UBAP1: variants seen among roughly 807,000 people sequenced by gnomAD.
UBAP1 encodes the protein ubiquitin associated protein 1, also known as ubiquitin-associated protein 1.
In UBAP1, 5 loss-of-function variants were observed where a neutral mutation model predicts 39.0. The observed-to-expected ratio is 0.13, with a 90% CI of 0.07 to 0.27. The LOEUF (loss-of-function observed/expected upper bound fraction) is 0.27. Ranked by LOEUF, UBAP1 falls within the 10% of genes least tolerant of loss-of-function variation. UBAP1 has a pLI of 1.00. For synonymous variants in UBAP1, 211 were observed against 225.1 expected, an observed-to-expected ratio of 0.94 and a Z score of 0.56; for missense variants, 490 against 608.1, an observed-to-expected ratio of 0.81 and a Z score of 2.04.
intron 2 of UBAP1, among the ~76,000 whole-genome samples, chr9:34,232,759 C>T (rs1449766720): frequency 6.6e-6 from 1 of 152,234 alleles, no homozygotes; most frequent in African/African-American, 2.4e-5. Context: ...TTGTCTTGTT[C>T]TGTGTCTGTG....
Position 34,241,344 on chromosome 9 carries a change from A to G in UBAP1, c.319A>G (p.Thr107Ala). Residue 107 changes from threonine to alanine, a missense_variant, in exon 4 of 7, where the codon ACT (threonine) becomes GCT (alanine). This residue lies in a region of UBAP1 where 144 missense variants were observed against 184.4 expected (regional missense o/e 0.78). Transcript: ENST00000297661. Reference sequence around the variant, plus strand: ...CGATAGCAAAATGAGCTTCTCCAAGACTCACAGTACAGCCACAATGCCACC... The same window carrying G: ...CGATAGCAAAATGAGCTTCTCCAAGGCTCACAGTACAGCCACAATGCCACC... ...EGDSKMSFSK[T>A]HSTATMPPPI... The G allele has an allele frequency of 6.6e-7, 1 of 1,525,912 alleles. No individual in the cohort carries two copies. Among genetic ancestry groups the G allele is most frequent in the African/African-American group, 1.4e-5 (1 of 71,980 alleles). The allele number at this position is 1,525,912 out of a possible 1,614,324, so 94.5% of individuals were successfully genotyped here. A position where few individuals can be genotyped will look rare whatever the true frequency, so the allele number is the denominator to read the frequency against.
chr9:34,180,326 C>A (rs1478110162), intron 1 of UBAP1, among the ~76,000 whole-genome samples: 1 of 151,926 alleles, frequency 6.6e-6, no homozygotes, highest in Non-Finnish European at 1.5e-5. Flanking sequence ...ACCAGCCTGA[C>A]CAACATGTTG....
At chr9:34,198,794 T>C (rs1273187751) in intron 1 of UBAP1, among the ~76,000 whole-genome samples, 1 of 152,200 alleles carries the variant, frequency 6.6e-6, no homozygotes, top group African/African-American at 2.4e-5. Flanking sequence ...AATGTCTGCC[T>C]TGGGCTTTCT....
intron 4 of UBAP1, among the ~76,000 whole-genome samples, chr9:34,246,674 T>G (rs565978718): frequency 6.6e-6 from 1 of 152,280 alleles, no homozygotes; most frequent in South Asian, 2.1e-4. Flanking sequence ...GCACACACAT[T>G]AGCAGTGGGT....
At chr9:34,189,189 CT>C (rs779162347) in intron 1 of UBAP1, among the ~76,000 whole-genome samples, 2,757 of 138,594 alleles carry the variant, frequency 0.02, 44 homozygotes, top group African/African-American at 0.047. Context: ...ATCATTATAT[CT>C]TTTTTTTTTT....
At chr9:34,209,306 G>C (rs1242802046) in intron 1 of UBAP1, among the ~76,000 whole-genome samples, 2 of 152,130 alleles carry the variant, frequency 1.3e-5, no homozygotes, top group African/African-American at 4.8e-5. Context: ...ATTTACACAA[G>C]TTTTGTAACA....
intron 1 of UBAP1, among the ~76,000 whole-genome samples, chr9:34,201,709 A>T (rs148064234): frequency 6.6e-6 from 1 of 152,258 alleles, no homozygotes; most frequent in Non-Finnish European, 1.5e-5. Context: ...AGCTGCCACC[A>T]GTTGGGTGTT....
intron 2 of UBAP1, chr9:34,224,284 A>G (rs529564187): frequency 4.0e-5 from 19 of 472,460 alleles, no homozygotes; most frequent in African/African-American, 3.4e-4. Context: ...ACCACTGTCC[A>G]TACGGTGTGC....
chr9:34,215,223 A>C (rs1476111191), intron 1 of UBAP1, among the ~76,000 whole-genome samples: 6 of 152,140 alleles, frequency 3.9e-5, no homozygotes, highest in Non-Finnish European at 7.3e-5. Flanking sequence ...GAAGCAACCC[A>C]AATGCCTATC....
chr9:34,202,624 C>CCTCTGTGTGTGT (rs1491103579), intron 1 of UBAP1, among the ~76,000 whole-genome samples: 4 of 107,322 alleles, frequency 3.7e-5, no homozygotes, highest in African/African-American at 1.2e-4. Context: ...TAGACAGAAA[C>CCTCTGTGTGTGT]GTGTGTGTGT....
chr9:34,196,555 G>A (rs1276614325), intron 1 of UBAP1, among the ~76,000 whole-genome samples: 1 of 151,948 alleles, frequency 6.6e-6, no homozygotes, highest in Non-Finnish European at 1.5e-5. Context: ...GACCTCAGGT[G>A]ATCTGCCCTA....
intron 1 of UBAP1, among the ~76,000 whole-genome samples, chr9:34,205,558 A>G (rs890141389): frequency 6.6e-6 from 1 of 152,204 alleles, no homozygotes; most frequent in Non-Finnish European, 1.5e-5. Flanking sequence ...GTTTGAAGGG[A>G]GAGAGTAAGT....
At chr9:34,229,331 C>T (rs1435446662) in intron 2 of UBAP1, among the ~76,000 whole-genome samples, 3 of 151,190 alleles carry the variant, frequency 2.0e-5, no homozygotes, top group Non-Finnish European at 2.9e-5. Flanking sequence ...GATCTTGGCT[C>T]ACTGCAACCT....
intron 1 of UBAP1, among the ~76,000 whole-genome samples, chr9:34,202,576 C>T (rs998144824): frequency 1.3e-5 from 2 of 148,550 alleles, no homozygotes; most frequent in African/African-American, 5.0e-5. Flanking sequence ...TAACAGAAGA[C>T]TCCAGCAAGG....
At chr9:34,186,429 T>G (rs1414801490) in intron 1 of UBAP1, among the ~76,000 whole-genome samples, 2 of 152,180 alleles carry the variant, frequency 1.3e-5, no homozygotes, top group Non-Finnish European at 2.9e-5. Flanking sequence ...TCCAGTGTTT[T>G]GAGTCACTGA....
intron 5 of UBAP1, among the ~76,000 whole-genome samples, chr9:34,250,277 C>T (rs1255430572): frequency 6.6e-6 from 1 of 152,224 alleles, no homozygotes; most frequent in Non-Finnish European, 1.5e-5. Flanking sequence ...CAGGAATTTT[C>T]ATCCTGTCAT....
At chr9:34,215,967 A>G (rs951233717) in intron 1 of UBAP1, among the ~76,000 whole-genome samples, 1 of 152,080 alleles carries the variant, frequency 6.6e-6, no homozygotes. Context: ...GGAAAAAAAT[A>G]TTTTATCAGC....
At chr9:34,183,647 G>C (rs1446541387) in intron 1 of UBAP1, among the ~76,000 whole-genome samples, 2 of 151,700 alleles carry the variant, frequency 1.3e-5, no homozygotes, top group Non-Finnish European at 1.5e-5. Flanking sequence ...AATCACCTGG[G>C]TGTAGTTTCC....
chr9:34,224,572 C>G, intron 2 of UBAP1: 1 of 445,498 alleles, frequency 2.2e-6, no homozygotes, highest in Non-Finnish European at 3.8e-6. Context: ...TGTGGTAGGG[C>G]TTTCTCTTGC....
Sources: gnomAD v4.1 joint callset for allele counts (sites outside exome capture counted in the v4.1 genomes callset) on GRCh38, gnomAD v4.1.1 for gene constraint, gnomAD v4.1.1 regional missense constraint, MANE v1.5 for transcripts, NCBI Gene and HGNC (gene_info 2026-07-23, HGNC 2026-07-21) for gene names.